Variants in EPAS1 observed in about 807,000 individuals in gnomAD.
EPAS1 encodes endothelial PAS domain protein 1, also known as endothelial PAS domain-containing protein 1.
Under a neutral mutation model 87.9 loss-of-function variants are expected in EPAS1, and 23 were observed. The observed-to-expected ratio is 0.26, with a 90% CI of 0.19 to 0.37. The LOEUF is 0.37. Ranked by LOEUF, EPAS1 falls within the 10% of genes least tolerant of loss-of-function variation. EPAS1 has a pLI of 1.00. For missense variants in EPAS1, 1,138 were observed against 1,120.7 expected, an observed-to-expected ratio of 1.02 and a Z score of -0.22; for synonymous variants, 508 against 444.3, an observed-to-expected ratio of 1.14 and a Z score of -1.80.
chr2:46,380,863 G>A lies in EPAS1; in HGVS notation c.2045+146G>A. The A allele has an allele frequency of 7.1e-7, 1 of 1,416,822 alleles. No homozygotes were observed. The highest frequency in any genetic ancestry group is 9.7e-7 in the Non-Finnish European group (1 of 1,032,586). The allele number at this position is 1,416,822 out of a possible 1,614,324, so 87.8% of individuals were successfully genotyped here. ...CCCTTCTCTGAGCTCAGACTTTGGG[G>A]AATCACCTCAAGCCATGTGAGGCCT... On this transcript the variant is annotated intron_variant, in intron 12 of 15. Transcript: ENST00000263734. This position sits in a 1 kb window ranked among gnomAD's most constrained non-coding sequence, Gnocchi z 4.4.
At chr2:46,338,337 T>C (rs1044293039) in intron 1 of EPAS1, among the ~76,000 whole-genome samples, 2 of 152,240 alleles carry the variant, frequency 1.3e-5, no homozygotes, top group African/African-American at 4.8e-5. Context: ...TGTGGTTGTT[T>C]CCTAGTTATA....
intron 10 of EPAS1, 38 bp downstream of exon 10, chr2:46,378,125 T>A (rs1372402558): frequency 6.4e-7 from 1 of 1,559,500 alleles, no homozygotes; most frequent in Non-Finnish European, 8.7e-7. Flanking sequence ...CAGAGAGGGC[T>A]CCGTATGTAT....
intron 13 of EPAS1, 69 bp from the exon 14 acceptor site, chr2:46,381,906 C>T: frequency 2.8e-6 from 4 of 1,413,136 alleles, no homozygotes; most frequent in Non-Finnish European, 3.9e-6. Flanking sequence ...CAGGCCCACC[C>T]AACCCACCCA....
At chr2:46,318,369 T>C (rs1476257206) in intron 1 of EPAS1, among the ~76,000 whole-genome samples, 1 of 152,022 alleles carries the variant, frequency 6.6e-6, no homozygotes, top group Admixed American at 6.6e-5. Context: ...ATAATGAAAG[T>C]TTGAAATATT....
intron 1 of EPAS1, among the ~76,000 whole-genome samples, chr2:46,336,314 C>T (rs1683794158): frequency 6.6e-6 from 1 of 152,000 alleles, no homozygotes; most frequent in African/African-American, 2.4e-5. Flanking sequence ...ACTTACAGCA[C>T]AGTTATAGGA....
intron 1 of EPAS1, among the ~76,000 whole-genome samples, chr2:46,338,469 C>A (rs1347876472): frequency 6.6e-6 from 1 of 152,152 alleles, no homozygotes; most frequent in Non-Finnish European, 1.5e-5. Context: ...ACGCAAATGC[C>A]TCCTGCACCC....
Position 46,374,053 on chromosome 2 carries a change from T to C in EPAS1, c.887-1637T>C, listed in dbSNP as rs529228324. Among the ~76,000 whole-genome samples the C allele has an allele frequency of 2.0e-5, 3 of 152,384 alleles. No individual in the cohort carries two copies. In the East Asian group the frequency reaches 5.8e-4, roughly 29 times the overall value. On this transcript the variant is annotated intron_variant, in intron 7 of 15. Transcript: ENST00000263734. ...AATGCTTTGCAGAAACGAATTCATC[T>C]TATCAGATAGTTCTGAACACTGCAA... is the stretch of plus-strand genomic sequence containing the variant.
intron 1 of EPAS1, among the ~76,000 whole-genome samples, chr2:46,327,309 G>A (rs1483117226): frequency 6.6e-6 from 1 of 152,178 alleles, no homozygotes; most frequent in African/African-American, 2.4e-5. Flanking sequence ...TAATCTAAGT[G>A]AGGAGAGGAC....
At chr2:46,333,120 G>A (rs1244970029) in intron 1 of EPAS1, among the ~76,000 whole-genome samples, 2 of 152,202 alleles carry the variant, frequency 1.3e-5, no homozygotes, top group East Asian at 1.9e-4. Context: ...GCAACCTAGT[G>A]ATGAATATAG....
At chr2:46,378,631 C>T (rs746981928) in intron 10 of EPAS1, 26 bp from the exon 11 acceptor site, 7 of 1,597,666 alleles carry the variant, frequency 4.4e-6, no homozygotes, top group African/African-American at 2.7e-5. Context: ...ATCTTTGACT[C>T]TGTCCCCCTC....
chr2:46,381,036 G>A (rs1253152471), intron 12 of EPAS1: 2 of 437,122 alleles, frequency 4.6e-6, no homozygotes, highest in Non-Finnish European at 8.3e-6. Context: ...ACAGAAAATT[G>A]AGTGATGATT....
chr2:46,349,839 G>C (rs193021334), intron 2 of EPAS1, among the ~76,000 whole-genome samples: 1 of 152,204 alleles, frequency 6.6e-6, no homozygotes, highest in Non-Finnish European at 1.5e-5. Flanking sequence ...TCCAACACAT[G>C]TAGCGTTATG....
chr2:46,364,224 C>G (rs1015822152), intron 6 of EPAS1, among the ~76,000 whole-genome samples: 5 of 152,200 alleles, frequency 3.3e-5, no homozygotes, highest in Non-Finnish European at 7.3e-5. Flanking sequence ...TTAATGACAT[C>G]TGAGACACAC....
chr2:46,351,220 C>G (rs534698847), intron 2 of EPAS1, among the ~76,000 whole-genome samples: 1 of 152,322 alleles, frequency 6.6e-6, no homozygotes, highest in South Asian at 2.1e-4. Flanking sequence ...GAGATACTGA[C>G]TTTGTTCAGA....
intron 1 of EPAS1, among the ~76,000 whole-genome samples, chr2:46,325,043 T>C (rs1683526089): frequency 6.6e-6 from 1 of 152,242 alleles, no homozygotes; most frequent in Non-Finnish European, 1.5e-5. Context: ...GTCCAGTTTA[T>C]CTTTAGGGTG....
Position 46,349,368 on chromosome 2 carries a change from G to A in EPAS1, c.217+2305G>A, listed in dbSNP as rs1201193480. ...GGACTCCCTGAGCACATCTACCTGT[G>A]TGTGTTCTGGTGTGAGCCCTCATGT... On this transcript the variant is annotated intron_variant, in intron 2 of 15. Coordinates refer to ENST00000263734, the MANE Select transcript of EPAS1 (RefSeq NM_001430.5). Among the ~76,000 whole-genome samples the A allele has an allele frequency of 5.9e-5, 9 of 152,360 alleles. 1 individual carries two copies. In the Middle Eastern group the frequency reaches 0.017, roughly 288 times the overall value.
At chr2:46,321,921 A>C (rs1325250085) in intron 1 of EPAS1, among the ~76,000 whole-genome samples, 1 of 152,176 alleles carries the variant, frequency 6.6e-6, no homozygotes, top group African/African-American at 2.4e-5. Context: ...ATGTGAAACT[A>C]TTTTAAATAG....
chr2:46,317,917 G>C (rs1195643017), intron 1 of EPAS1, among the ~76,000 whole-genome samples: 1 of 152,188 alleles, frequency 6.6e-6, no homozygotes, highest in Non-Finnish European at 1.5e-5. Context: ...TCTTAATGCA[G>C]CTTCCTTACC....
In EPAS1 at chr2:46,371,093, C is replaced by T. The variant is rs551998770; in HGVS notation, c.886+1160C>T. Among the ~76,000 whole-genome samples, 4 of 152,248 alleles carry T rather than the reference C, an allele frequency of 2.6e-5. No individual in the cohort carries two copies. The highest frequency in any genetic ancestry group is 1.9e-4 in the East Asian group (1 of 5,186). The stretch of plus-strand genomic sequence containing the variant: ...GTATTTGGAAAAGAATGCTTCAAAA[C>T]GAGTGCCCACAGTGGTGCAGACAGT... On this transcript the variant is annotated intron_variant, in intron 7 of 15. Coordinates refer to ENST00000263734, the MANE Select transcript of EPAS1 (RefSeq NM_001430.5). The surrounding 1 kb of genome is among the most constrained non-coding windows in gnomAD (Gnocchi z 4.3).
Sources: gnomAD v4.1 joint callset for allele counts (sites outside exome capture counted in the v4.1 genomes callset) on GRCh38, gnomAD v4.1.1 for gene constraint, Gnocchi (gnomAD v3.1) non-coding constraint, MANE v1.5 for transcripts, NCBI Gene and HGNC (gene_info 2026-07-23, HGNC 2026-07-21) for gene names.